Variants in KCNQ5 observed in about 807,000 individuals in gnomAD.
KCNQ5 encodes the protein potassium voltage-gated channel subfamily Q member 5.
A neutral mutation model predicts 98.2 loss-of-function variants in KCNQ5; 30 were observed. The ratio of observed to expected loss-of-function variants is 0.31; its 90% CI spans 0.23 to 0.41. The LOEUF (loss-of-function observed/expected upper bound fraction) is 0.41. Ranked by LOEUF, KCNQ5 falls within the 10% of genes least tolerant of loss-of-function variation. KCNQ5 has a pLI of 1.00. For missense variants in KCNQ5, 835 were observed against 1,182.5 expected (o/e 0.71, Z 4.31); for synonymous variants, 458 against 449.4 (o/e 1.02, Z -0.24).
chr6:72,887,044 G>GT (rs1159866587), intron 1 of KCNQ5, among the ~76,000 whole-genome samples: 4 of 152,106 alleles, frequency 2.6e-5, no homozygotes, highest in African/African-American at 9.7e-5. Context: ...TTGTTACAGT[G>GT]TTAAAAACTA....
chr6:72,913,748 C>G (rs1210329900), intron 1 of KCNQ5, among the ~76,000 whole-genome samples: 2 of 152,150 alleles, frequency 1.3e-5, no homozygotes, highest in African/African-American at 4.8e-5. Context: ...TAAGAAAAGA[C>G]AGATTAACAA....
At chr6:73,076,835 A>G (rs1773563240) in intron 3 of KCNQ5, among the ~76,000 whole-genome samples, 1 of 152,176 alleles carries the variant, frequency 6.6e-6, no homozygotes, top group African/African-American at 2.4e-5. Context: ...CAGGAAAACA[A>G]GAGAAATGAT....
intron 1 of KCNQ5, among the ~76,000 whole-genome samples, chr6:72,699,610 A>G (rs1768691866): frequency 6.6e-6 from 1 of 152,174 alleles, no homozygotes; most frequent in Non-Finnish European, 1.5e-5. Context: ...TATCACAATT[A>G]AAGGACAAAT....
intron 1 of KCNQ5, among the ~76,000 whole-genome samples, chr6:72,714,774 TCAAAAATAG>T (rs1769556058): frequency 6.6e-6 from 1 of 152,168 alleles, no homozygotes; most frequent in Admixed American, 6.6e-5. Context: ...TCAAGGCAGT[TCAAAAATAG>T]CAAAAACTTG....
intron 1 of KCNQ5, among the ~76,000 whole-genome samples, chr6:72,717,500 T>A (rs1769705106): frequency 6.6e-6 from 1 of 152,232 alleles, no homozygotes; most frequent in African/African-American, 2.4e-5. Flanking sequence ...TCACAGGAAT[T>A]AATTACCAAA....
chr6:72,960,045 G>A (rs1329750668), intron 1 of KCNQ5, among the ~76,000 whole-genome samples: 1 of 152,186 alleles, frequency 6.6e-6, no homozygotes, highest in Admixed American at 6.5e-5. Context: ...CGTATGCTGA[G>A]TTTTTATCTC....
chr6:73,031,465 A>G (rs1271621332), intron 2 of KCNQ5, among the ~76,000 whole-genome samples: 1 of 152,260 alleles, frequency 6.6e-6, no homozygotes, highest in Non-Finnish European at 1.5e-5. Flanking sequence ...TGATTTTAAT[A>G]GATAATAAAA....
At chr6:72,689,632 T>C (rs1434041424) in intron 1 of KCNQ5, among the ~76,000 whole-genome samples, 1 of 152,246 alleles carries the variant, frequency 6.6e-6, no homozygotes, top group East Asian at 1.9e-4. Context: ...TATATACTTA[T>C]ACCCACAAAG....
intron 9 of KCNQ5, among the ~76,000 whole-genome samples, chr6:73,127,126 A>T (rs1418206064): frequency 1.3e-5 from 2 of 152,248 alleles, no homozygotes; most frequent in Non-Finnish European, 2.9e-5. Context: ...GTACCATCTT[A>T]GAAAGTAACA....
chr6:73,035,893 G>A (rs558883910), intron 2 of KCNQ5, among the ~76,000 whole-genome samples: 2 of 151,844 alleles, frequency 1.3e-5, no homozygotes, highest in South Asian at 2.1e-4. Context: ...GTAACATTTT[G>A]TAAAACTATA....
At chr6:72,665,401 G>A (rs1034332755) in intron 1 of KCNQ5, among the ~76,000 whole-genome samples, 2 of 150,760 alleles carry the variant, frequency 1.3e-5, no homozygotes, top group Non-Finnish European at 3.0e-5. Flanking sequence ...AAACCCATTT[G>A]TGTAATATGG....
At chr6:72,994,223 G>T (rs1378014558) in intron 1 of KCNQ5, among the ~76,000 whole-genome samples, 6 of 83,010 alleles carry the variant, frequency 7.2e-5, no homozygotes, top group Non-Finnish European at 1.3e-4. Context: ...GTTTACCTAA[G>T]CAAGCCTGGG....
intron 1 of KCNQ5, among the ~76,000 whole-genome samples, chr6:72,766,194 A>G (rs1199828042): frequency 1.3e-5 from 2 of 152,014 alleles, no homozygotes; most frequent in African/African-American, 4.8e-5. Flanking sequence ...ACAGAGAGAT[A>G]GCAAGAAGAC....
At chr6:72,786,618 T>C (rs1470466533) in intron 1 of KCNQ5, among the ~76,000 whole-genome samples, 1 of 152,020 alleles carries the variant, frequency 6.6e-6, no homozygotes, top group East Asian at 1.9e-4. Context: ...GCCACACGGG[T>C]TTAGAAAAAC....
Position 73,173,509 on chromosome 6 carries a change from C to CA in KCNQ5, c.1577+3659dup, listed in dbSNP as rs942136409. On this transcript the variant is annotated intron_variant, in intron 11 of 13. Transcript: ENST00000370398. ...CATAAATTACCTAGATATGTTCCTT[C>CA]AAAATGTCAAGTATCTGGCTAATTG... Among the ~76,000 whole-genome samples the CA allele has an allele frequency of 7.2e-5, 11 of 152,148 alleles. No individual in the cohort carries two copies. The South Asian group carries it at 1.4e-3, about 20-fold the overall frequency.
At chr6:72,719,833 CACTT>C (rs1292902762) in intron 1 of KCNQ5, among the ~76,000 whole-genome samples, 1 of 152,234 alleles carries the variant, frequency 6.6e-6, no homozygotes, top group Non-Finnish European at 1.5e-5. Flanking sequence ...ACTCCTGAGG[CACTT>C]ACTCAGGGAC....
intron 1 of KCNQ5, among the ~76,000 whole-genome samples, chr6:72,727,524 AT>A (rs66468267): frequency 3.7e-4 from 56 of 150,078 alleles, no homozygotes; most frequent in Admixed American, 8.6e-4. Context: ...ATTTTTCTGG[AT>A]TTTTTTTTTC....
At chr6:72,746,178 A>G (rs1003863555) in intron 1 of KCNQ5, among the ~76,000 whole-genome samples, 1 of 148,934 alleles carries the variant, frequency 6.7e-6, no homozygotes, top group South Asian at 2.1e-4. Flanking sequence ...ACTCACAACA[A>G]TGGCATTATT....
chr6:73,057,356 G>A lies in KCNQ5; in HGVS notation c.616+15294G>A, dbSNP rs186860490. Among the ~76,000 whole-genome samples the A allele has an allele frequency of 9.1e-3, 1,374 of 151,354 alleles. 25 individuals are homozygous for A. Among genetic ancestry groups the A allele is most frequent in the African/African-American group, 0.032 (1,294 of 41,060 alleles). ...GGTGGGGGGAAGGGGGGGAGGGATA[G>A]CATTAGGAGATATACCTAATGTAAA... is the stretch of plus-strand genomic sequence containing the variant. On this transcript the variant is annotated intron_variant, in intron 3 of 13. Coordinates refer to ENST00000370398, the MANE Select transcript of KCNQ5 (RefSeq NM_019842.4).
Sources: allele counts gnomAD v4.1 joint callset (sites outside exome capture counted in the v4.1 genomes callset), GRCh38; gene constraint gnomAD v4.1.1; transcripts MANE v1.5; gene names NCBI Gene and HGNC (gene_info 2026-07-23, HGNC 2026-07-21).